Variants in NBAS observed in about 807,000 individuals in gnomAD.
NBAS encodes NAG/BC035112 fusion.
A neutral mutation model predicts 302.5 loss-of-function variants in NBAS; 219 were observed. The ratio of observed to expected loss-of-function variants is 0.72; its 90% CI spans 0.65 to 0.81. NBAS has a LOEUF of 0.81. Ranked by LOEUF, NBAS falls within the 30% of genes least tolerant of loss-of-function variation. NBAS has a pLI of 0.00. For synonymous variants in NBAS, 1,118 were observed against 1,021.6 expected, an observed-to-expected ratio of 1.09 and a Z score of -1.80; for missense variants, 2,932 against 2,841.6, an observed-to-expected ratio of 1.03 and a Z score of -0.72.
rs1165840699 is a variant in NBAS, at chr2:15,305,761, T to C, written c.4797+2455A>G. Among the ~76,000 whole-genome samples, 5 of 152,208 alleles carry C rather than the reference T, an allele frequency of 3.3e-5. No individual in the cohort carries two copies. In the East Asian group the frequency reaches 7.7e-4, roughly 23 times the overall value. On this transcript the variant is annotated intron_variant, in intron 40 of 51. Coordinates refer to ENST00000281513, the MANE Select transcript of NBAS (RefSeq NM_015909.4). ...TGCACCTGGCCTGGGAAGTTCTTTA[T>C]GGCAGTATGAAAATGGACAAATATA...
At chr2:15,131,439 G>A in the NBAS span, among the ~76,000 whole-genome samples, 1 of 152,108 alleles carries the variant, frequency 6.6e-6, no homozygotes, top group African/African-American at 2.4e-5. Flanking sequence ...GTGACTCTGA[G>A]TTCATTACTT....
At chr2:15,556,490 G>T (rs1032093380) in intron 3 of NBAS, among the ~76,000 whole-genome samples, 4 of 152,142 alleles carry the variant, frequency 2.6e-5, no homozygotes, top group African/African-American at 9.7e-5. Context: ...AGATATGCAG[G>T]CTACAGATGC....
the NBAS span, among the ~76,000 whole-genome samples, chr2:14,883,263 A>G: frequency 2.0e-5 from 3 of 152,224 alleles, no homozygotes; most frequent in African/African-American, 7.2e-5. Flanking sequence ...TCCGAAAAGC[A>G]TCTTCATATA....
At chr2:15,001,970 CTT>C in the NBAS span, among the ~76,000 whole-genome samples, 1 of 152,168 alleles carries the variant, frequency 6.6e-6, no homozygotes, top group East Asian at 1.9e-4. Flanking sequence ...CTTTTATTCT[CTT>C]CTCTGGCCTC....
chr2:15,551,340 TAA>T (rs35998279), intron 6 of NBAS, among the ~76,000 whole-genome samples, 151 bp downstream of exon 6: 4 of 143,200 alleles, frequency 2.8e-5, no homozygotes, highest in Non-Finnish European at 3.0e-5. Flanking sequence ...TTTAAGACAG[TAA>T]AAAAAAAAAA....
chr2:15,461,957 C>T (rs549221013), intron 19 of NBAS, among the ~76,000 whole-genome samples, 166 bp from the exon 20 acceptor site: 1 of 152,222 alleles, frequency 6.6e-6, no homozygotes, highest in African/African-American at 2.4e-5. Context: ...TGCATTATTG[C>T]CTTTATTTTG....
At chr2:15,051,837 CT>C in the NBAS span, among the ~76,000 whole-genome samples, 1 of 152,062 alleles carries the variant, frequency 6.6e-6, no homozygotes, top group Non-Finnish European at 1.5e-5. Flanking sequence ...GTTATTGTGT[CT>C]TTTTTGCCTC....
At chr2:15,099,890 T>C in the NBAS span, among the ~76,000 whole-genome samples, 2 of 152,240 alleles carry the variant, frequency 1.3e-5, no homozygotes, top group African/African-American at 4.8e-5. Context: ...ATGCATTCTT[T>C]GTCAGAAATA....
chr2:15,044,292 T>C, the NBAS span, among the ~76,000 whole-genome samples: 44 of 152,366 alleles, frequency 2.9e-4, no homozygotes, highest in South Asian at 8.9e-3. Flanking sequence ...TTTGCATGGC[T>C]GAGTTCTCTC....
intron 11 of NBAS, among the ~76,000 whole-genome samples, chr2:15,491,962 AAAC>A (rs1680875348): frequency 6.6e-6 from 1 of 152,214 alleles, no homozygotes; most frequent in African/African-American, 2.4e-5. Flanking sequence ...CCAGAAAGTT[AAAC>A]AATAAATTGT....
At chr2:14,994,957 T>C in the NBAS span, among the ~76,000 whole-genome samples, 236 of 152,308 alleles carry the variant, frequency 1.5e-3, 2 homozygotes, top group East Asian at 0.016. Context: ...TGGACTGTTG[T>C]GCATGAATCA....
the NBAS span, among the ~76,000 whole-genome samples, chr2:14,867,819 A>AT: frequency 6.6e-6 from 1 of 152,160 alleles, no homozygotes; most frequent in Non-Finnish European, 1.5e-5. Flanking sequence ...GCTTACCCAT[A>AT]TTTTTTTAAA....
intron 9 of NBAS, among the ~76,000 whole-genome samples, chr2:15,529,551 A>C (rs938906545): frequency 3.9e-5 from 6 of 152,140 alleles, no homozygotes; most frequent in Non-Finnish European, 8.8e-5. Context: ...AAAGACTTTA[A>C]AGGAAGAAAC....
At chr2:14,975,100 C>T in the NBAS span, among the ~76,000 whole-genome samples, 1 of 152,128 alleles carries the variant, frequency 6.6e-6, no homozygotes, top group Non-Finnish European at 1.5e-5. Context: ...CAGAACAGAA[C>T]CTGCCAACAA....
chr2:14,836,638 GT>G, the NBAS span, among the ~76,000 whole-genome samples: 2 of 151,794 alleles, frequency 1.3e-5, no homozygotes, highest in African/African-American at 4.8e-5. Flanking sequence ...TTTAAAACAA[GT>G]TTTTTATATC....
chr2:15,495,532 G>A (rs1681033607), intron 11 of NBAS, among the ~76,000 whole-genome samples: 1 of 152,130 alleles, frequency 6.6e-6, no homozygotes, highest in Admixed American at 6.5e-5. Context: ...AAAACACATA[G>A]TTTTTTTTAA....
chr2:15,184,456 C>CCGAGGGG (rs1301359454), intron 50 of NBAS, among the ~76,000 whole-genome samples: 4 of 151,836 alleles, frequency 2.6e-5, no homozygotes, highest in Non-Finnish European at 5.9e-5. Flanking sequence ...GATGGTCCCA[C>CCGAGGGG]CGAGGGGCGA....
At chr2:15,087,465 G>T in the NBAS span, among the ~76,000 whole-genome samples, 1 of 152,270 alleles carries the variant, frequency 6.6e-6, no homozygotes, top group East Asian at 1.9e-4. Flanking sequence ...ATCCCTAACT[G>T]GTCAGACTAA....
the NBAS span, among the ~76,000 whole-genome samples, chr2:15,025,404 T>C: frequency 1.3e-5 from 2 of 152,196 alleles, no homozygotes; most frequent in Non-Finnish European, 2.9e-5. Context: ...AATGTGATTC[T>C]TCCAGCTTTG....
Sources: allele counts gnomAD v4.1 joint callset (sites outside exome capture counted in the v4.1 genomes callset), GRCh38; gene constraint gnomAD v4.1.1; transcripts MANE v1.5; gene names NCBI Gene and HGNC (gene_info 2026-07-23, HGNC 2026-07-21).